The following LAMC1 variants were observed in gnomAD, a reference collection of about 807,000 sequenced individuals.
LAMC1 encodes the protein laminin subunit gamma-1.
Under a neutral mutation model 173.6 loss-of-function variants are expected in LAMC1, and 38 were observed. The ratio of observed to expected loss-of-function variants is 0.22; its 90% CI spans 0.17 to 0.29. LAMC1 has a LOEUF of 0.29. LAMC1 is among the 10% of genes least tolerant of loss of function. LAMC1 has a pLI of 1.00. For missense variants in LAMC1, 1,824 were observed against 2,051.8 expected (o/e 0.89, Z 2.14); for synonymous variants, 746 against 749.1 (o/e 1.00, Z 0.07).
At chr1:183,053,158 G>A (rs1450935568) in intron 1 of LAMC1, among the ~76,000 whole-genome samples, 3 of 152,128 alleles carry the variant, frequency 2.0e-5, no homozygotes, top group Non-Finnish European at 4.4e-5. Flanking sequence ...GTTTTCCAGT[G>A]CGTTAAATGT....
chr1:183,070,392 C>T (rs901099151), intron 1 of LAMC1, among the ~76,000 whole-genome samples: 2 of 152,114 alleles, frequency 1.3e-5, no homozygotes, highest in African/African-American at 4.8e-5. Flanking sequence ...GCTCTTTAGG[C>T]ATCTCTCTGG....
intron 1 of LAMC1, among the ~76,000 whole-genome samples, chr1:183,051,541 T>G (rs1339698346): frequency 6.6e-6 from 1 of 152,216 alleles, no homozygotes; most frequent in Non-Finnish European, 1.5e-5. Context: ...AAATGGTGGT[T>G]GTTTTAAGCC....
intron 11 of LAMC1, among the ~76,000 whole-genome samples, chr1:183,120,131 T>G (rs1391729167): frequency 7.7e-6 from 1 of 130,244 alleles, no homozygotes; most frequent in Admixed American, 9.7e-5. Flanking sequence ...ATCATGCCGT[T>G]GCACACCAGC....
At chr1:183,076,666 CATCAAATCCCCCATCAAGACA>C (rs1299981627) in intron 1 of LAMC1, among the ~76,000 whole-genome samples, 1 of 152,218 alleles carries the variant, frequency 6.6e-6, no homozygotes, top group Non-Finnish European at 1.5e-5. Context: ...GACCATATTT[CATCAAATCCCCCATCAAGACA>C]AAGTCCGTCT....
intron 26 of LAMC1, among the ~76,000 whole-genome samples, chr1:183,139,148 T>C (rs1245079123): frequency 2.0e-5 from 3 of 152,218 alleles, no homozygotes; most frequent in Non-Finnish European, 2.9e-5. Context: ...TTAAAGCATA[T>C]TGAAAAAGAA....
At position 183,127,343 on chromosome 1, in the gene LAMC1, A is replaced by G. The variant is rs1405185023; in HGVS notation, c.3062A>G (p.Tyr1021Cys). 1.2e-6 allele frequency: 2 copies of G among 1,614,134 alleles called. No individual in the cohort carries two copies. The highest frequency in any genetic ancestry group is 8.5e-7 in the Non-Finnish European group (1 of 1,179,974). ...GACCAGTGTGAAGAAAACTATTTCT[A>G]CAATCGGTCTTGGCCTGGCTGCCAG... ...RCDQCEENYF[Y>C]NRSWPGCQEC... Residue 1021 changes from tyrosine to cysteine, a missense_variant, in exon 17 of 28, where the codon TAC becomes TGC. Tyr to Cys is a radical substitution (Grantham distance 194, BLOSUM62 -2). Coordinates refer to ENST00000258341, the MANE Select transcript of LAMC1 (RefSeq NM_002293.4).
chr1:183,140,263 AAAG>A, intron 26 of LAMC1, 138 bp from the exon 27 acceptor site: 2 of 451,878 alleles, frequency 4.4e-6, no homozygotes, highest in East Asian at 3.9e-5. Context: ...AAAAAAAAAA[AAAG>A]CAATGAGAGG....
intron 19 of LAMC1, among the ~76,000 whole-genome samples, 175 bp downstream of exon 19, chr1:183,130,724 T>C (rs1037253768): frequency 8.5e-5 from 13 of 152,340 alleles, no homozygotes; most frequent in Non-Finnish European, 1.9e-4. Flanking sequence ...GAAACAGTTA[T>C]TAAAAACTGG....
intron 1 of LAMC1, among the ~76,000 whole-genome samples, chr1:183,053,633 G>GTT (rs935100802): frequency 2.1e-5 from 3 of 145,288 alleles, no homozygotes; most frequent in Admixed American, 6.9e-5. Flanking sequence ...GATAGTTTTG[G>GTT]TTTTTTTTTT....
Position 183,116,254 on chromosome 1 carries a change from G to A in LAMC1, c.1329-323G>A, listed in dbSNP as rs546673048. ...AGCACTTTGGGAAGCCGAGGCAGGC[G>A]GATCACAAGGTCAAGAGATCAAGAC... On this transcript the variant is annotated intron_variant, in intron 6 of 27. Transcript: ENST00000258341. 1.8e-4 allele frequency among the ~76,000 whole-genome samples: 28 copies of A among 152,186 alleles called. No homozygotes were observed. In the East Asian group the frequency reaches 4.5e-3, roughly 24 times the overall value.
At chr1:183,038,529 C>G (rs1571402316) in intron 1 of LAMC1, among the ~76,000 whole-genome samples, 1 of 145,474 alleles carries the variant, frequency 6.9e-6, no homozygotes. Flanking sequence ...ACTTTTCCAT[C>G]AACTTTCTTC....
At chr1:183,103,953 C>T (rs1655902545) in intron 2 of LAMC1, among the ~76,000 whole-genome samples, 1 of 130,016 alleles carries the variant, frequency 7.7e-6, no homozygotes, top group African/African-American at 2.6e-5. Flanking sequence ...CATTTTCCTT[C>T]TGACCTTTTG....
At chr1:183,123,724 T>C (rs1026972448) in intron 13 of LAMC1, among the ~76,000 whole-genome samples, 1 of 152,256 alleles carries the variant, frequency 6.6e-6, no homozygotes, top group Non-Finnish European at 1.5e-5. Context: ...TTTGTATGTC[T>C]GTGTATTGGT....
At chr1:183,114,249 T>G (rs1219780405) in intron 4 of LAMC1, among the ~76,000 whole-genome samples, 1 of 152,152 alleles carries the variant, frequency 6.6e-6, no homozygotes, top group East Asian at 1.9e-4. Context: ...TTTTGTATTT[T>G]TAGTAGAGAT....
Position 183,132,422 on chromosome 1 carries a change from A to G in LAMC1, c.3589A>G (p.Ile1197Val), listed in dbSNP as rs766935033. ...AERHKQEADD[I>V]VRVAKTANDT... ...TAGTCATAAACAGGAAGCTGATGAC[A>G]TTGTTCGAGTGGCAAAGACAGCCAA... The change falls in exon 21 of 28, where the codon ATT becomes GTT. Residue 1197 changes from isoleucine to valine, a missense_variant. Transcript: ENST00000258341. The G allele has an allele frequency of 3.7e-6, 6 of 1,613,934 alleles. No homozygotes were observed. Among genetic ancestry groups the G allele is most frequent in the East Asian group, 4.5e-5 (2 of 44,870 alleles).
At chr1:183,139,255 A>G (rs971942824) in intron 26 of LAMC1, among the ~76,000 whole-genome samples, 3 of 152,220 alleles carry the variant, frequency 2.0e-5, no homozygotes, top group African/African-American at 4.8e-5. Context: ...CTTCTAAGGA[A>G]ACAAACCACC....
At chr1:183,080,207 G>A (rs1336908696) in intron 1 of LAMC1, among the ~76,000 whole-genome samples, 1 of 152,132 alleles carries the variant, frequency 6.6e-6, no homozygotes, top group Admixed American at 6.5e-5. Context: ...TTATGCCATT[G>A]CACTTTAGCC....
intron 1 of LAMC1, among the ~76,000 whole-genome samples, chr1:183,079,075 G>A (rs1172635634): frequency 6.6e-6 from 1 of 151,774 alleles, no homozygotes; most frequent in Non-Finnish European, 1.5e-5. Flanking sequence ...GGGAGAGAGA[G>A]TGCTCTAATT....
chr1:183,099,157 C>T (rs938130043), intron 1 of LAMC1, among the ~76,000 whole-genome samples: 9 of 151,966 alleles, frequency 5.9e-5, no homozygotes, highest in African/African-American at 1.9e-4. Context: ...GTCGCGATCT[C>T]GGCTCACTGC....
Sources: allele counts gnomAD v4.1 joint callset (sites outside exome capture counted in the v4.1 genomes callset), GRCh38; gene constraint gnomAD v4.1.1; transcripts MANE v1.5; gene names NCBI Gene and HGNC (gene_info 2026-07-23, HGNC 2026-07-21).